TRPM3: variants seen among roughly 807,000 people sequenced by gnomAD.
The protein encoded by TRPM3 is transient receptor potential cation channel subfamily M member 3.
A neutral mutation model predicts 181.2 loss-of-function variants in TRPM3; 77 were observed. The ratio of observed to expected loss-of-function variants is 0.42; its 90% CI spans 0.35 to 0.51. The LOEUF is 0.51. TRPM3 is among the 20% of genes least tolerant of loss of function. The pLI is 0.01. For synonymous variants in TRPM3, 745 were observed against 796.4 expected (o/e 0.94, Z 1.09); for missense variants, 1,759 against 2,196.7 (o/e 0.80, Z 3.98).
chr9:70,981,640 T>G (rs959546343), intron 1 of TRPM3, among the ~76,000 whole-genome samples: 2 of 152,140 alleles, frequency 1.3e-5, no homozygotes, highest in African/African-American at 4.8e-5. Flanking sequence ...TAATAATAGG[T>G]CCTAAATTAT....
intron 1 of TRPM3, among the ~76,000 whole-genome samples, chr9:70,989,660 A>G (rs539835664): frequency 6.6e-6 from 1 of 152,220 alleles, no homozygotes; most frequent in Non-Finnish European, 1.5e-5. Context: ...AAAAGGGAAC[A>G]TTAAGCTTTA....
intron 1 of TRPM3, among the ~76,000 whole-genome samples, chr9:71,239,971 G>A (rs1374812050): frequency 1.3e-5 from 2 of 152,008 alleles, no homozygotes; most frequent in African/African-American, 2.4e-5. Context: ...ATTAGAAAAT[G>A]GAATTAATTA....
rs2064349879 is a variant in TRPM3, at chr9:70,625,243, T to C, written c.1757A>G (p.Tyr586Cys). ...YLMGGAYRCN[Y>C]TRKRFRTLYH... ...GAGGGTCCGGAAGCGCTTGCGCGTG[T>C]AGTTGCAGCGATAAGCCCCGCCCAT... The change falls in exon 14 of 26, where the codon TAC becomes TGC. Residue 586 changes from tyrosine to cysteine, a missense_variant. Tyr to Cys is a radical substitution (Grantham distance 194). Coordinates refer to ENST00000677713, the MANE Select transcript of TRPM3 (RefSeq NM_001366145.2). The surrounding 1 kb of genome is among the most constrained non-coding windows in gnomAD (Gnocchi z 4.8). 1 of 1,614,006 alleles carries C rather than the reference T, an allele frequency of 6.2e-7. No homozygotes were observed. The highest frequency in any genetic ancestry group is 8.5e-7 in the Non-Finnish European group (1 of 1,180,040).
At chr9:71,253,441 G>A (rs1588145233) in intron 1 of TRPM3, among the ~76,000 whole-genome samples, 1 of 152,152 alleles carries the variant, frequency 6.6e-6, no homozygotes, top group African/African-American at 2.4e-5. Context: ...GGCTAGAAAT[G>A]CTGCTAACCA....
intron 8 of TRPM3, among the ~76,000 whole-genome samples, chr9:70,744,065 C>T (rs2074667896): frequency 2.0e-5 from 3 of 152,018 alleles, no homozygotes; most frequent in African/African-American, 7.2e-5. Context: ...GGCACAGTGG[C>T]TCACGTAATC....
intron 1 of TRPM3, among the ~76,000 whole-genome samples, chr9:70,943,251 A>G (rs2133583424): frequency 6.6e-6 from 1 of 152,284 alleles, no homozygotes; most frequent in East Asian, 1.9e-4. Context: ...TTTGTATAGA[A>G]CCTTCTACAC....
At chr9:71,182,081 GT>G (rs753928423) in intron 1 of TRPM3, among the ~76,000 whole-genome samples, 1 of 151,996 alleles carries the variant, frequency 6.6e-6, no homozygotes, top group Middle Eastern at 3.4e-3. Context: ...CAGATGTCTT[GT>G]TTTTTTTATA....
At chr9:70,739,768 C>A (rs2073608086) in intron 8 of TRPM3, among the ~76,000 whole-genome samples, 1 of 152,008 alleles carries the variant, frequency 6.6e-6, no homozygotes, top group Non-Finnish European at 1.5e-5. Context: ...GAGGCACCTG[C>A]CACCATGTCT....
chr9:70,901,751 T>C (rs2096390065), intron 1 of TRPM3, among the ~76,000 whole-genome samples: 2 of 152,226 alleles, frequency 1.3e-5, no homozygotes, highest in South Asian at 2.1e-4. Flanking sequence ...TGCTACTCAA[T>C]GGCACAAAAG....
At position 70,629,501 on chromosome 9, in the gene TRPM3, A is replaced by T. The variant is rs532402008; in HGVS notation, c.1633-3984T>A. On this transcript the variant is annotated intron_variant, in intron 12 of 25. Coordinates refer to ENST00000677713, the MANE Select transcript of TRPM3 (RefSeq NM_001366145.2). Reference sequence around the variant, plus strand: ...CAGGCATGTGCCATCATGCCAGCTAATTTTTTTGTATTTTTAGGAGAGATG... The same window carrying T: ...CAGGCATGTGCCATCATGCCAGCTATTTTTTTTGTATTTTTAGGAGAGATG... Among the ~76,000 whole-genome samples the T allele has an allele frequency of 1.4e-3, 212 of 151,754 alleles. 3 individuals carry two copies. In the South Asian group the frequency reaches 0.021, roughly 15 times the overall value.
rs188834516 is a variant in TRPM3, at chr9:71,316,566, G to A, written c.183+130087C>T. Among the ~76,000 whole-genome samples, 155 of 152,140 alleles carry A rather than the reference G, an allele frequency of 1.0e-3. 1 individual carries two copies. Among genetic ancestry groups the A allele is most frequent in the Non-Finnish European group, 5.9e-5 (4 of 67,994 alleles). ...TCTGTCTGAGATAAAAGTGAGAGAG[G>A]TCACCAAGAGACGTAACATTGCTGT... On this transcript the variant is annotated intron_variant, in intron 1 of 24. Coordinates refer to the TRPM3 transcript ENST00000357533.
chr9:70,652,642 C>T (rs1169262218), intron 9 of TRPM3, among the ~76,000 whole-genome samples: 1 of 152,048 alleles, frequency 6.6e-6, no homozygotes, highest in African/African-American at 2.4e-5. Flanking sequence ...ATCTTTATTC[C>T]CACTTTGCTA....
chr9:70,814,963 AAAC>A (rs1377481026), intron 6 of TRPM3, among the ~76,000 whole-genome samples: 1 of 151,776 alleles, frequency 6.6e-6, no homozygotes, highest in East Asian at 1.9e-4. Flanking sequence ...TCATTGTAAA[AAAC>A]AACATCAAGC....
intron 8 of TRPM3, among the ~76,000 whole-genome samples, chr9:70,754,919 C>T (rs1478365677): frequency 6.6e-6 from 1 of 152,116 alleles, no homozygotes; most frequent in Non-Finnish European, 1.5e-5. Context: ...TACATCTCCC[C>T]ACCTCTCTTA....
chr9:71,086,478 C>G (rs956782883), intron 1 of TRPM3, among the ~76,000 whole-genome samples: 1 of 151,876 alleles, frequency 6.6e-6, no homozygotes, highest in Non-Finnish European at 1.5e-5. Context: ...GATTTAGATG[C>G]CCATCACCAA....
intron 1 of TRPM3, among the ~76,000 whole-genome samples, chr9:71,345,620 A>G (rs762157643): frequency 3.9e-5 from 6 of 152,062 alleles, no homozygotes; most frequent in Non-Finnish European, 8.8e-5. Context: ...GGAGAGCATT[A>G]GGAGAAATAC....
intron 1 of TRPM3, among the ~76,000 whole-genome samples, chr9:71,430,837 G>T (rs2093943804): frequency 6.6e-6 from 1 of 151,932 alleles, no homozygotes; most frequent in Non-Finnish European, 1.5e-5. Flanking sequence ...TTGTGAAAGG[G>T]GTATTTTTGA....
chr9:70,601,570 T>C (rs1269390764), intron 20 of TRPM3, among the ~76,000 whole-genome samples: 4 of 152,154 alleles, frequency 2.6e-5, no homozygotes, highest in Non-Finnish European at 4.4e-5. Context: ...GCCGCCTCAC[T>C]GAGCCGCAGA....
chr9:70,941,507 C>T (rs985963186), intron 1 of TRPM3, among the ~76,000 whole-genome samples: 1 of 152,144 alleles, frequency 6.6e-6, no homozygotes, highest in Non-Finnish European at 1.5e-5. Flanking sequence ...TATGGGGCTT[C>T]GCTTTGTTAC....
Sources: gnomAD v4.1 joint callset for allele counts (sites outside exome capture counted in the v4.1 genomes callset) on GRCh38, gnomAD v4.1.1 for gene constraint, Gnocchi (gnomAD v3.1) non-coding constraint, MANE v1.5 for transcripts, NCBI Gene and HGNC (gene_info 2026-07-23, HGNC 2026-07-21) for gene names.